DPP6: variants seen among roughly 807,000 people sequenced by gnomAD.
The protein encoded by DPP6 is dipeptidyl peptidase like 6.
DPP6 carries 69 observed loss-of-function variants against 122.6 expected under a neutral mutation model. The ratio of observed to expected loss-of-function variants is 0.56; its 90% CI spans 0.46 to 0.69. DPP6 has a LOEUF of 0.69. Among genes scored for constraint, DPP6 ranks in the 30% least tolerant of loss-of-function variants. The pLI is 0.00. For synonymous variants in DPP6, 418 were observed against 433.1 expected (o/e 0.97, Z 0.43); for missense variants, 928 against 1,116.9 (o/e 0.83, Z 2.41).
intron 1 of DPP6, among the ~76,000 whole-genome samples, chr7:154,302,009 G>A (rs1244882759): frequency 1.3e-5 from 2 of 151,908 alleles, no homozygotes; most frequent in African/African-American, 4.8e-5. Flanking sequence ...AGCAGAGACG[G>A]GGTTTCACCA....
At chr7:153,803,482 C>T in the DPP6 span, among the ~76,000 whole-genome samples, 1 of 151,918 alleles carries the variant, frequency 6.6e-6, no homozygotes, top group South Asian at 2.1e-4. Context: ...AACGGGGATG[C>T]TTCACCTCAT....
intron 1 of DPP6, among the ~76,000 whole-genome samples, chr7:153,989,212 A>G: frequency 1.6e-5 from 2 of 121,690 alleles, no homozygotes; most frequent in Non-Finnish European, 1.7e-5. Context: ...TGGGTGTGAA[A>G]ATGGGAGAAA....
chr7:154,058,004 C>G (rs1211488642), intron 1 of DPP6: 1 of 150,326 alleles, frequency 6.7e-6, no homozygotes, highest in Admixed American at 6.6e-5. Flanking sequence ...AAAACCTGAA[C>G]ATAAAGGCCC....
At chr7:153,865,718 T>G in the DPP6 span, among the ~76,000 whole-genome samples, 1 of 152,190 alleles carries the variant, frequency 6.6e-6, no homozygotes, top group Non-Finnish European at 1.5e-5. Context: ...TTGTTACATA[T>G]GTATACATGT....
At chr7:154,679,145 C>T (rs1839124900) in intron 7 of DPP6, among the ~76,000 whole-genome samples, 1 of 152,068 alleles carries the variant, frequency 6.6e-6, no homozygotes, top group Admixed American at 6.5e-5. Flanking sequence ...ACGGGCCAGC[C>T]CCCTTGTCCA....
chr7:154,734,717 G>C (rs181005100), intron 8 of DPP6, among the ~76,000 whole-genome samples: 1 of 152,278 alleles, frequency 6.6e-6, no homozygotes, highest in Admixed American at 6.5e-5. Context: ...GGAAGAGCAG[G>C]GCAGAGTCTT....
intron 1 of DPP6, among the ~76,000 whole-genome samples, chr7:154,297,667 T>C (rs979268766): frequency 6.6e-5 from 10 of 152,220 alleles, no homozygotes; most frequent in Non-Finnish European, 1.3e-4. Flanking sequence ...CAGAAGTTTA[T>C]TTCTCTTTCT....
chr7:154,746,251 C>T (rs895399200), intron 8 of DPP6, among the ~76,000 whole-genome samples: 3 of 152,118 alleles, frequency 2.0e-5, no homozygotes, highest in Non-Finnish European at 4.4e-5. Context: ...AGACTGTCTA[C>T]TTAGAAGATT....
intron 1 of DPP6, among the ~76,000 whole-genome samples, chr7:154,116,094 A>G (rs1441720951): frequency 6.6e-6 from 1 of 150,666 alleles, no homozygotes; most frequent in South Asian, 2.1e-4. Flanking sequence ...CTTATCCATC[A>G]TATTTATATA....
chr7:154,271,566 C>T (rs1803796549), intron 1 of DPP6, among the ~76,000 whole-genome samples: 1 of 152,172 alleles, frequency 6.6e-6, no homozygotes. Context: ...ACCTTTGGCA[C>T]TGGAGATAAA....
chr7:154,458,615 T>C (rs971480751), intron 2 of DPP6, among the ~76,000 whole-genome samples: 6 of 152,188 alleles, frequency 3.9e-5, no homozygotes, highest in African/African-American at 1.4e-4. Context: ...TTTGAAGCCA[T>C]CAAGTTTGTG....
intron 16 of DPP6, among the ~76,000 whole-genome samples, chr7:154,826,053 C>T (rs892525937): frequency 2.0e-5 from 3 of 152,182 alleles, no homozygotes; most frequent in African/African-American, 7.2e-5. Flanking sequence ...CTTCACCCTA[C>T]GTTTCACAAA....
At chr7:153,956,805 G>T (rs1031514319) in intron 1 of DPP6, among the ~76,000 whole-genome samples, 1 of 152,158 alleles carries the variant, frequency 6.6e-6, no homozygotes, top group Non-Finnish European at 1.5e-5. Context: ...TCTTGTGTCT[G>T]TAATTATCTT....
chr7:154,547,181 G>A (rs917818488), intron 4 of DPP6, among the ~76,000 whole-genome samples: 4 of 152,222 alleles, frequency 2.6e-5, no homozygotes, highest in South Asian at 4.1e-4. Flanking sequence ...TAACCAGGAC[G>A]GTGGCTGCAA....
chr7:154,644,866 G>A (rs892301637), intron 6 of DPP6, among the ~76,000 whole-genome samples: 22 of 151,926 alleles, frequency 1.4e-4, no homozygotes, highest in Non-Finnish European at 1.2e-4. Context: ...ACACCGCCAT[G>A]CCTGGCTAAT....
rs990178802 is a variant in DPP6, at chr7:154,548,125, C to T, written c.552+7499C>T. On this transcript the variant is annotated intron_variant, in intron 4 of 25. Coordinates refer to ENST00000377770, the MANE Select transcript of DPP6 (RefSeq NM_130797.4). ...TCAGGAGGCTGAGGCAGGAGAATTGCGTGAACCGGGGAGGTGGAGGCTGCA... is the reference window on the plus strand; with the variant it reads ...TCAGGAGGCTGAGGCAGGAGAATTGTGTGAACCGGGGAGGTGGAGGCTGCA... 1.4e-3 allele frequency among the ~76,000 whole-genome samples: 213 copies of T among 152,166 alleles called. 2 individuals are homozygous for T. Among genetic ancestry groups the T allele is most frequent in the East Asian group, 1.4e-3 (7 of 5,168 alleles).
At chr7:153,750,193 A>G in the DPP6 span, among the ~76,000 whole-genome samples, 14 of 152,374 alleles carry the variant, frequency 9.2e-5, no homozygotes, top group South Asian at 2.7e-3. Context: ...GAATGCTTTT[A>G]TTCAACTGAG....
In DPP6 at chr7:154,291,497, G is replaced by A. The variant is rs1208214489; in HGVS notation, c.244-154717G>A. On this transcript the variant is annotated intron_variant, in intron 1 of 25. Coordinates refer to ENST00000377770, the MANE Select transcript of DPP6 (RefSeq NM_130797.4). ...ACAACTGGATTCCATGCTCACTCAC[G>A]GCTTCTCCTCTCTCTACCTCTGGAA... Among the ~76,000 whole-genome samples, 3 of 152,204 alleles carry A rather than the reference G, an allele frequency of 2.0e-5. 1 individual carries two copies. Among genetic ancestry groups the A allele is most frequent in the African/African-American group, 7.2e-5 (3 of 41,526 alleles).
intron 1 of DPP6, among the ~76,000 whole-genome samples, chr7:153,927,968 G>T (rs895686427): frequency 1.3e-5 from 2 of 152,146 alleles, no homozygotes; most frequent in African/African-American, 4.8e-5. Context: ...GGGTTCAGAG[G>T]TCTGAAACTT....
Sources: gnomAD v4.1 joint callset for allele counts (sites outside exome capture counted in the v4.1 genomes callset) on GRCh38, gnomAD v4.1.1 for gene constraint, MANE v1.5 for transcripts, NCBI Gene and HGNC (gene_info 2026-07-23, HGNC 2026-07-21) for gene names.